Variants in MALRD1 observed in about 807,000 individuals in gnomAD.
MALRD1 encodes MAM and LDL-receptor class A domain-containing protein 1.
MALRD1 carries 247 observed loss-of-function variants against 242.1 expected under a neutral mutation model. That is an observed-to-expected ratio of 1.02 (90% CI 0.92 to 1.13). MALRD1 has a LOEUF of 1.13. Among genes scored for constraint, MALRD1 ranks in the 50% most tolerant of loss-of-function variants. The probability of loss-of-function intolerance (pLI) is 0.00; values close to 1 mark genes in which losing one functional copy is unlikely to be tolerated. For synonymous variants in MALRD1, 995 were observed against 866.6 expected (o/e 1.15, Z -2.60); for missense variants, 2,989 against 2,533.1 (o/e 1.18, Z -3.86).
intron 36 of MALRD1, among the ~76,000 whole-genome samples, chr10:19,654,839 G>A (rs1841069498): frequency 6.6e-6 from 1 of 152,144 alleles, no homozygotes; most frequent in African/African-American, 2.4e-5. Flanking sequence ...AGACACATCT[G>A]TGTGTGCTGG....
At chr10:19,672,370 C>A (rs538671614) in intron 36 of MALRD1, among the ~76,000 whole-genome samples, 76 of 146,632 alleles carry the variant, frequency 5.2e-4, no homozygotes, top group Non-Finnish European at 9.2e-4. Context: ...CTATGACTTT[C>A]TAGATGTGTT....
rs150165269 is a variant in MALRD1, at chr10:19,461,225, AG to A, written c.5029+10737del. ...TGTTTAGTATGGAATGGATTCTTGAAGGATTTGAGTCAAATGACTCACACAA... is the reference window on the plus strand; with the variant it reads ...TGTTTAGTATGGAATGGATTCTTGAAGATTTGAGTCAAATGACTCACACAA... On this transcript the variant is annotated intron_variant, in intron 29 of 39. Transcript: ENST00000454679. 5.0e-3 allele frequency among the ~76,000 whole-genome samples: 756 copies of A among 152,310 alleles called. 4 individuals carry two copies. The highest frequency in any genetic ancestry group is 0.017 in the African/African-American group (691 of 41,566).
intron 28 of MALRD1, among the ~76,000 whole-genome samples, chr10:19,438,523 C>T (rs559454607): frequency 2.1e-4 from 32 of 152,154 alleles, no homozygotes; most frequent in Non-Finnish European, 4.1e-4. Context: ...TACCCAGAAA[C>T]GTAATTGATG....
intron 21 of MALRD1, among the ~76,000 whole-genome samples, chr10:19,301,767 C>A (rs1273430057): frequency 1.3e-5 from 2 of 151,570 alleles, no homozygotes. Context: ...GGGTACTATG[C>A]TCATTATCTG....
In MALRD1 at chr10:19,297,105, A is replaced by G. The variant is rs189716391; in HGVS notation, c.3419+13924A>G. ...TCTTTATTTATATATAAATATATAT[A>G]TATTTGTGTGAGTGTATCTTTTAGT... On this transcript the variant is annotated intron_variant, in intron 21 of 39. Transcript: ENST00000454679. Among the ~76,000 whole-genome samples the G allele has an allele frequency of 8.4e-4, 127 of 150,304 alleles. 2 individuals are homozygous for G. In the East Asian group the frequency reaches 0.023, roughly 27 times the overall value.
intron 5 of MALRD1, among the ~76,000 whole-genome samples, chr10:19,120,879 G>C (rs918730312): frequency 3.3e-5 from 5 of 151,920 alleles, no homozygotes; most frequent in African/African-American, 1.2e-4. Context: ...GAGTAGCTGG[G>C]ACTACAGGCA....
intron 21 of MALRD1, among the ~76,000 whole-genome samples, chr10:19,290,996 A>C (rs577657844): frequency 6.6e-6 from 1 of 152,246 alleles, no homozygotes; most frequent in South Asian, 2.1e-4. Flanking sequence ...AAGCACCGTA[A>C]GTTTTATGAT....
chr10:19,393,206 A>T (rs1180322844), intron 28 of MALRD1, among the ~76,000 whole-genome samples: 1 of 152,016 alleles, frequency 6.6e-6, no homozygotes, highest in Non-Finnish European at 1.5e-5. Flanking sequence ...TTAAAATGGC[A>T]TCCTTATTTT....
chr10:19,053,592 G>GT (rs983660925), intron 1 of MALRD1, among the ~76,000 whole-genome samples: 15 of 151,958 alleles, frequency 9.9e-5, no homozygotes, highest in South Asian at 6.2e-4. Context: ...GTGTACCAAA[G>GT]TTTTTTTTGT....
At chr10:19,465,174 C>G (rs978781133) in intron 29 of MALRD1, among the ~76,000 whole-genome samples, 3 of 152,062 alleles carry the variant, frequency 2.0e-5, no homozygotes, top group African/African-American at 7.2e-5. Context: ...GTTTGACTTC[C>G]TCCTTACCAA....
chr10:19,101,396 G>A (rs1190819402), intron 4 of MALRD1, among the ~76,000 whole-genome samples: 2 of 139,318 alleles, frequency 1.4e-5, no homozygotes, highest in African/African-American at 5.3e-5. Context: ...TATGTATATT[G>A]TATTATTCAT....
In MALRD1 at chr10:19,285,313, A is replaced by G. The variant is rs977622136; in HGVS notation, c.3419+2132A>G. ...TGCCATTGCTTTTGGTGTTTTGGACATGAAGTCCTTGCCCACGCCTATATC... is the reference window on the plus strand; with the variant it reads ...TGCCATTGCTTTTGGTGTTTTGGACGTGAAGTCCTTGCCCACGCCTATATC... On this transcript the variant is annotated intron_variant, in intron 21 of 39. Coordinates refer to ENST00000454679, the MANE Select transcript of MALRD1 (RefSeq NM_001142308.3). Among the ~76,000 whole-genome samples the G allele has an allele frequency of 4.3e-5, 6 of 139,162 alleles. 1 individual carries two copies. The highest frequency in any genetic ancestry group is 1.6e-4 in the African/African-American group (6 of 36,468). 91.3% of individuals were successfully genotyped at this position (139,162 alleles called of 152,430 possible).
intron 30 of MALRD1, among the ~76,000 whole-genome samples, chr10:19,497,450 A>G (rs1233949856): frequency 6.7e-6 from 1 of 149,840 alleles, no homozygotes; most frequent in Non-Finnish European, 1.5e-5. Context: ...TGTAGGGATA[A>G]GATACAATAA....
chr10:19,496,969 G>A (rs1007221579), intron 30 of MALRD1, among the ~76,000 whole-genome samples: 23 of 152,114 alleles, frequency 1.5e-4, no homozygotes, highest in African/African-American at 5.3e-4. Context: ...TTTTGAGATT[G>A]AGTGAATGAA....
At chr10:19,103,423 C>A (rs557930242) in intron 4 of MALRD1, among the ~76,000 whole-genome samples, 2 of 151,156 alleles carry the variant, frequency 1.3e-5, no homozygotes, top group Non-Finnish European at 3.0e-5. Context: ...TAGCCGGGCG[C>A]GGTGGTGGGC....
intron 31 of MALRD1, among the ~76,000 whole-genome samples, chr10:19,502,143 T>C (rs182501273): frequency 5.3e-5 from 8 of 152,184 alleles, no homozygotes; most frequent in African/African-American, 1.4e-4. Context: ...GTGGTGAATA[T>C]ATTAAGGTTT....
At chr10:19,165,263 A>ATATATATATATTTTG (rs1554801531) in intron 12 of MALRD1, among the ~76,000 whole-genome samples, 1 of 131,232 alleles carries the variant, frequency 7.6e-6, no homozygotes, top group African/African-American at 3.2e-5. Context: ...ATATATATAT[A>ATATATATATATTTTG]TATTTTGTTT....
intron 11 of MALRD1, among the ~76,000 whole-genome samples, chr10:19,152,830 A>C (rs966721826): frequency 3.3e-5 from 5 of 152,078 alleles, no homozygotes; most frequent in Non-Finnish European, 7.4e-5. Context: ...CTTGACTTCT[A>C]CACTCACCAG....
chr10:19,376,405 A>G (rs1436205279), intron 26 of MALRD1, among the ~76,000 whole-genome samples: 2 of 152,258 alleles, frequency 1.3e-5, no homozygotes, highest in Admixed American at 6.5e-5. Context: ...TTAACGTGGG[A>G]CAGACAGGAG....
Sources: gnomAD v4.1 joint callset for allele counts (sites outside exome capture counted in the v4.1 genomes callset) on GRCh38, gnomAD v4.1.1 for gene constraint, MANE v1.5 for transcripts, NCBI Gene and HGNC (gene_info 2026-07-23, HGNC 2026-07-21) for gene names.